The following DCAF6 variants were observed in gnomAD, a reference collection of about 807,000 sequenced individuals.
DCAF6 encodes DDB1 and CUL4 associated factor 6.
A neutral mutation model predicts 125.1 loss-of-function variants in DCAF6; 54 were observed. The observed-to-expected ratio is 0.43, with a 90% CI of 0.35 to 0.54. The LOEUF is 0.54. DCAF6 is among the 20% of genes least tolerant of loss of function. The pLI is 0.01. For synonymous variants in DCAF6, 371 were observed against 390.4 expected, an observed-to-expected ratio of 0.95 and a Z score of 0.58; for missense variants, 934 against 1,161.7, an observed-to-expected ratio of 0.80 and a Z score of 2.85.
the DCAF6 span, chr1:167,875,056 T>C: frequency 1.7e-6 from 2 of 1,171,692 alleles, no homozygotes; most frequent in Admixed American, 1.7e-5. Context: ...AGCTGCACAG[T>C]TATCATTGAT....
At chr1:167,914,874 A>C in the DCAF6 span, among the ~76,000 whole-genome samples, 1 of 151,798 alleles carries the variant, frequency 6.6e-6, no homozygotes, top group Non-Finnish European at 1.5e-5. Context: ...TGTACTTCCA[A>C]ATGTTGTAAA....
At chr1:168,067,507 G>A (rs1203453273) in intron 20 of DCAF6, among the ~76,000 whole-genome samples, 1 of 152,168 alleles carries the variant, frequency 6.6e-6, no homozygotes, top group African/African-American at 2.4e-5. Context: ...CAGGCAGACA[G>A]GGAGCAAAGC....
At chr1:168,054,998 A>G (rs763869565) in intron 17 of DCAF6, among the ~76,000 whole-genome samples, 3 of 152,106 alleles carry the variant, frequency 2.0e-5, no homozygotes, top group Admixed American at 6.5e-5. Context: ...TTGTATTTTT[A>G]GTAGAGACGG....
At chr1:167,879,460 A>C in the DCAF6 span, among the ~76,000 whole-genome samples, 2 of 152,114 alleles carry the variant, frequency 1.3e-5, no homozygotes, top group African/African-American at 2.4e-5. Context: ...TTGACCATAA[A>C]ATAAAATATA....
chr1:168,075,316 T>G, intron 21 of DCAF6, 55 bp from the exon 22 acceptor site: 1 of 1,487,978 alleles, frequency 6.7e-7, no homozygotes, highest in Non-Finnish European at 9.1e-7. Flanking sequence ...AAAATATTAA[T>G]AATTGTAATT....
intron 2 of DCAF6, among the ~76,000 whole-genome samples, chr1:167,960,229 C>T (rs1675367366): frequency 6.6e-6 from 1 of 151,984 alleles, no homozygotes; most frequent in Non-Finnish European, 1.5e-5. Context: ...ATCTGTTTGT[C>T]TGCTCTTTTG....
chr1:167,919,067 C>T, the DCAF6 span, among the ~76,000 whole-genome samples: 2 of 152,098 alleles, frequency 1.3e-5, no homozygotes, highest in East Asian at 1.9e-4. Flanking sequence ...TCGCAAAGCA[C>T]CTTTCCTAAG....
intron 3 of DCAF6, among the ~76,000 whole-genome samples, chr1:167,969,853 T>C (rs1257489150): frequency 2.6e-5 from 4 of 152,236 alleles, no homozygotes; most frequent in Non-Finnish European, 4.4e-5. Flanking sequence ...CTCGGCCCAC[T>C]GCAAACTCTG....
At chr1:168,047,009 A>G (rs1285897435) in intron 16 of DCAF6, among the ~76,000 whole-genome samples, 1 of 152,148 alleles carries the variant, frequency 6.6e-6, no homozygotes, top group Non-Finnish European at 1.5e-5. Flanking sequence ...GCTAATTATA[A>G]CACTTAATAC....
intron 19 of DCAF6, among the ~76,000 whole-genome samples, 178 bp from the exon 20 acceptor site, chr1:168,066,199 C>T (rs187137801): frequency 1.1e-4 from 16 of 152,260 alleles, no homozygotes; most frequent in Non-Finnish European, 2.1e-4. Context: ...ATTAAAATTA[C>T]GTTCTAGGAT....
rs200401545 is a variant in DCAF6, at chr1:168,033,304, C to CTTT, written c.1610-5047_1610-5045dup. Among the ~76,000 whole-genome samples, 278 of 119,724 alleles carry CTTT rather than the reference C, an allele frequency of 2.3e-3. 1 individual carries two copies. Among genetic ancestry groups the CTTT allele is most frequent in the African/African-American group, 4.1e-3 (122 of 29,878 alleles). 78.5% of individuals were successfully genotyped at this position (119,724 alleles called of 152,430 possible). A position where few individuals can be genotyped will look rare whatever the true frequency, so the allele number is the denominator to read the frequency against. On this transcript the variant is annotated intron_variant, in intron 12 of 21. Coordinates refer to ENST00000367840, the MANE Select transcript of DCAF6 (RefSeq NM_001198956.2). ...CTCTAGTAGCATTTCTGAAAAGGAT[C>CTTT]TTTTTTTTTTTTTTTTTTTTTTGAG... is the stretch of plus-strand genomic sequence containing the variant.
At chr1:168,030,654 G>A (rs1686966430) in intron 12 of DCAF6, among the ~76,000 whole-genome samples, 2 of 152,186 alleles carry the variant, frequency 1.3e-5, no homozygotes, top group Non-Finnish European at 2.9e-5. Flanking sequence ...TAGATTGAAT[G>A]ACACAGGGAT....
chr1:167,935,684 A>G, upstream of DCAF6: 2 of 1,485,016 alleles, frequency 1.3e-6, no homozygotes, highest in Non-Finnish European at 1.8e-6. Flanking sequence ...TCCATTTTAG[A>G]GGAAGCGAGA....
upstream of DCAF6, among the ~76,000 whole-genome samples, chr1:167,932,531 G>A (rs1252069277): frequency 2.6e-5 from 4 of 151,890 alleles, no homozygotes; most frequent in African/African-American, 4.8e-5. Flanking sequence ...ACATTGGGCC[G>A]GGTGTGGTTG....
At chr1:167,907,515 T>C in the DCAF6 span, among the ~76,000 whole-genome samples, 5 of 152,172 alleles carry the variant, frequency 3.3e-5, no homozygotes, top group Non-Finnish European at 7.4e-5. Context: ...CTCCCAGAAG[T>C]GACGTATTTC....
chr1:167,989,648 T>C (rs1571830289), intron 5 of DCAF6, among the ~76,000 whole-genome samples: 2 of 152,238 alleles, frequency 1.3e-5, no homozygotes, highest in East Asian at 3.9e-4. Flanking sequence ...TTTGGGAGGC[T>C]GAGGCGGGCA....
At chr1:167,978,800 C>A (rs558913847) in intron 4 of DCAF6, among the ~76,000 whole-genome samples, 7 of 151,988 alleles carry the variant, frequency 4.6e-5, no homozygotes, top group Non-Finnish European at 8.8e-5. Context: ...AGACTACAGG[C>A]ATGCACTACT....
At chr1:168,027,943 AATGT>A (rs1338295295) in intron 12 of DCAF6, among the ~76,000 whole-genome samples, 2 of 152,118 alleles carry the variant, frequency 1.3e-5, no homozygotes, top group East Asian at 3.8e-4. Context: ...TAGGGAAATA[AATGT>A]ATAACATGCA....
chr1:168,013,129 A>G (rs1684519435), intron 10 of DCAF6, among the ~76,000 whole-genome samples: 2 of 152,222 alleles, frequency 1.3e-5, no homozygotes, highest in Admixed American at 6.5e-5. Flanking sequence ...CATTACTATT[A>G]TGCTGACTAT....
Sources: gnomAD v4.1 joint callset for allele counts (sites outside exome capture counted in the v4.1 genomes callset) on GRCh38, gnomAD v4.1.1 for gene constraint, MANE v1.5 for transcripts, NCBI Gene and HGNC (gene_info 2026-07-23, HGNC 2026-07-21) for gene names.